The following SETD5 variants were observed in gnomAD, a reference collection of about 807,000 sequenced individuals.
The protein encoded by SETD5 is SET domain containing 5, also known as histone-lysine N-methyltransferase SETD5.
In SETD5, 44 loss-of-function variants were observed where a neutral mutation model predicts 153.3. The ratio of observed to expected loss-of-function variants is 0.29; its 90% CI spans 0.23 to 0.37. The LOEUF is 0.37. SETD5 is among the 10% of genes least tolerant of loss of function. The pLI is 1.00. For synonymous variants in SETD5, 716 were observed against 645.2 expected, an observed-to-expected ratio of 1.11 and a Z score of -1.66; for missense variants, 1,544 against 1,768.0, an observed-to-expected ratio of 0.87 and a Z score of 2.27.
In SETD5 at chr3:9,434,914, G is replaced by C; in HGVS notation, c.388+32G>C. 2 of 1,604,980 alleles carry C rather than the reference G, an allele frequency of 1.2e-6. No homozygotes were observed. The highest frequency in any genetic ancestry group is 1.7e-6 in the Non-Finnish European group (2 of 1,175,734). On this transcript the variant is annotated intron_variant, in intron 6 of 22. Coordinates refer to ENST00000402198, the MANE Select transcript of SETD5 (RefSeq NM_001080517.3). The surrounding 1 kb of genome is among the most constrained non-coding windows in gnomAD (Gnocchi z 5.6). ...GGAAGATGGGTTAGGTCCACAATTT[G>C]ACATAAAAATATTCTGTGATCTGAA...
intron 3 of SETD5, chr3:9,431,302 G>C (rs1226439481): frequency 1.0e-6 from 1 of 985,376 alleles, no homozygotes; most frequent in Non-Finnish European, 1.2e-6. Flanking sequence ...GTTGTACTTA[G>C]AACACTGTTG....
In SETD5 at chr3:9,453,781, T is replaced by C; in HGVS notation, c.2389T>C (p.Ser797Pro). 1 of 1,607,992 alleles carries C rather than the reference T, an allele frequency of 6.2e-7. No individual in the cohort carries two copies. The highest frequency in any genetic ancestry group is 1.1e-5 in the South Asian group (1 of 89,752). Residue 797 changes from serine to proline, a missense_variant, in exon 17 of 23, where the codon TCA becomes CCA. This residue lies in a region of SETD5 where 782 missense variants were observed against 787.2 expected (regional missense o/e 0.99). Transcript: ENST00000402198. ...QALEEGMTQT[S>P]SVPQETRTQH... ...CTTAGAAGAAGGGATGACTCAAACA[T>C]CATCTGTACCCCAAGAGACTAGAAC...
intron 17 of SETD5, among the ~76,000 whole-genome samples, chr3:9,456,089 A>G (rs886201362): frequency 1.3e-5 from 2 of 152,196 alleles, no homozygotes; most frequent in Admixed American, 6.5e-5. Flanking sequence ...AAGAGACATT[A>G]AGAAAGGGGA....
At chr3:9,472,425 T>G (rs991238829) in intron 19 of SETD5, among the ~76,000 whole-genome samples, 1 of 150,660 alleles carries the variant, frequency 6.6e-6, no homozygotes, top group Non-Finnish European at 1.5e-5. Context: ...GTGGGCAGGG[T>G]GGGATGGGAG....
chr3:9,430,912 A>G, intron 3 of SETD5: 1 of 985,434 alleles, frequency 1.0e-6, no homozygotes, highest in Non-Finnish European at 1.2e-6. Flanking sequence ...CTCCAGACAG[A>G]TTTGTGATAC....
In SETD5 at chr3:9,397,735, A is replaced by C; in HGVS notation, c.-419A>C. On this transcript the variant is annotated 5_prime_UTR_variant, in exon 1 of 23. Transcript: ENST00000402198. ...CCCGCCTGCGCTCAGAGACTCACGC[A>C]GCCCCAGTCCCGCCAGTCCGCCAAC... The C allele has an allele frequency of 5.9e-6, 1 of 169,952 alleles. No homozygotes were observed. Among genetic ancestry groups the C allele is most frequent in the South Asian group, 1.7e-4 (1 of 5,980 alleles). 10.5% of individuals were successfully genotyped at this position (169,952 alleles called of 1,614,324 possible). A position where few individuals can be genotyped will look rare whatever the true frequency, so the allele number is the denominator to read the frequency against.
At chr3:9,466,014 C>T (rs1484302315) in intron 18 of SETD5, among the ~76,000 whole-genome samples, 2 of 152,054 alleles carry the variant, frequency 1.3e-5, no homozygotes, top group Non-Finnish European at 2.9e-5. Flanking sequence ...GGAGGCCGGG[C>T]GCAGTGGCTC....
At chr3:9,414,388 T>C (rs1575225965) in intron 1 of SETD5, among the ~76,000 whole-genome samples, 1 of 152,018 alleles carries the variant, frequency 6.6e-6, no homozygotes, top group African/African-American at 2.4e-5. Flanking sequence ...TTGGGGAGTG[T>C]GTGTGTGTGT....
Position 9,435,883 on chromosome 3 carries a change from G to T in SETD5, c.544G>T (p.Ala182Ser). ...AAAGAGTCCAGAAAAGGGTCGTGCA[G>T]CACCAAAGACGAAGAAAATCAAGGT... The part of the protein sequence containing the change: ...RKKSPEKGRA[A>S]PKTKKIKNSP... The change falls in exon 7 of 23, where the codon GCA (alanine) becomes TCA (serine). Residue 182 changes from alanine (A) to serine (S), a missense_variant. Ala to Ser is a moderately conservative substitution (Grantham distance 99, BLOSUM62 1). Coordinates refer to ENST00000402198, the MANE Select transcript of SETD5 (RefSeq NM_001080517.3). 27 of 1,590,322 alleles carry T rather than the reference G, an allele frequency of 1.7e-5. No individual in the cohort carries two copies. The highest frequency in any genetic ancestry group is 2.3e-5 in the Non-Finnish European group (27 of 1,168,552).
intron 17 of SETD5, among the ~76,000 whole-genome samples, chr3:9,459,370 A>G (rs1387508919): frequency 1.3e-5 from 2 of 152,144 alleles, no homozygotes; most frequent in Non-Finnish European, 2.9e-5. Context: ...TGAAAATCTT[A>G]TTTTTGATTC....
Position 9,440,585 on chromosome 3 carries a change from C to G in SETD5, c.697C>G (p.Leu233Val). 6.2e-7 allele frequency: 1 copy of G among 1,613,966 alleles called. No individual in the cohort carries two copies. Among genetic ancestry groups the G allele is most frequent in the Middle Eastern group, 1.6e-4 (1 of 6,062 alleles). Reference protein sequence around the residue: ...NQYSADVQNALEQHLHSSKEF... With the variant: ...NQYSADVQNAVEQHLHSSKEF... ...GTACAGTGCAGATGTACAGAACGCG[C>G]TTGAACAACACCTACATTCTAGCAA... Residue 233 changes from leucine (L) to valine (V), a missense_variant, in exon 8 of 23, where the codon CTT (leucine) becomes GTT (valine). Physicochemically the swap from Leu to Val is conservative, Grantham distance 32 (BLOSUM62 1). Coordinates refer to ENST00000402198, the MANE Select transcript of SETD5 (RefSeq NM_001080517.3).
intron 1 of SETD5, among the ~76,000 whole-genome samples, chr3:9,411,183 C>G (rs1367689022): frequency 6.6e-6 from 1 of 152,114 alleles, no homozygotes; most frequent in Non-Finnish European, 1.5e-5. Context: ...ATGTTTGTCT[C>G]TGGGAATTTC....
chr3:9,397,736 GC>G lies in SETD5; in HGVS notation c.-414del. On this transcript the variant is annotated 5_prime_UTR_variant, in exon 1 of 23. Transcript: ENST00000402198. ...CCGCCTGCGCTCAGAGACTCACGCA[GC>G]CCCAGTCCCGCCAGTCCGCCAACAC... 1.2e-5 allele frequency: 2 copies of G among 170,476 alleles called. No individual in the cohort carries two copies. Among genetic ancestry groups the G allele is most frequent in the Non-Finnish European group, 2.4e-5 (2 of 83,310 alleles). 10.6% of individuals were successfully genotyped at this position (170,476 alleles called of 1,614,324 possible). A position where few individuals can be genotyped will look rare whatever the true frequency, so the allele number is the denominator to read the frequency against.
intron 1 of SETD5, among the ~76,000 whole-genome samples, chr3:9,414,815 A>ATT (rs558115357): frequency 2.2e-4 from 32 of 147,710 alleles, no homozygotes; most frequent in African/African-American, 7.4e-4. Context: ...TGGAGCATGG[A>ATT]TTTTTTTTTT....
chr3:9,459,712 A>G lies in SETD5; in HGVS notation c.2477-4713A>G, dbSNP rs565221806. Among the ~76,000 whole-genome samples, 95 of 140,992 alleles carry G rather than the reference A, an allele frequency of 6.7e-4. 2 individuals carry two copies. The East Asian group carries it at 0.018, about 27-fold the overall frequency. 92.5% of individuals were successfully genotyped at this position (140,992 alleles called of 152,430 possible). A position where few individuals can be genotyped will look rare whatever the true frequency, so the allele number is the denominator to read the frequency against. On this transcript the variant is annotated intron_variant, in intron 17 of 22. Transcript: ENST00000402198. ...CCAGCCTGGGCGACAGCGAGACTCC[A>G]TCAAAAAAAAAAAAAAAAAAGAATA...
intron 20 of SETD5, 105 bp downstream of exon 20, chr3:9,473,642 A>G (rs1575619135): frequency 2.5e-6 from 3 of 1,181,552 alleles, no homozygotes; most frequent in East Asian, 5.1e-5. Flanking sequence ...ACTTGATGGG[A>G]ACATCTGAGA....
intron 16 of SETD5, among the ~76,000 whole-genome samples, chr3:9,450,494 AAT>A (rs2042491938): frequency 6.6e-5 from 10 of 152,208 alleles, no homozygotes. Context: ...TATGAGGCAA[AAT>A]AAAATGAAAT....
chr3:9,445,844 T>C, intron 13 of SETD5, 104 bp downstream of exon 13: 2 of 688,676 alleles, frequency 2.9e-6, no homozygotes, highest in Non-Finnish European at 2.2e-6. Flanking sequence ...TGATTTGACC[T>C]GAAGGTTATA....
At chr3:9,448,278 T>G in intron 15 of SETD5, 110 bp from the exon 16 acceptor site, 1 of 1,462,316 alleles carries the variant, frequency 6.8e-7, no homozygotes, top group Non-Finnish European at 9.1e-7. Flanking sequence ...AATTCATTCT[T>G]ACTGCAGCTG....
Sources: gnomAD v4.1 joint callset for allele counts (sites outside exome capture counted in the v4.1 genomes callset) on GRCh38, gnomAD v4.1.1 for gene constraint, gnomAD v4.1.1 regional missense constraint, Gnocchi (gnomAD v3.1) non-coding constraint, MANE v1.5 for transcripts, NCBI Gene and HGNC (gene_info 2026-07-23, HGNC 2026-07-21) for gene names.